The following LRRIQ1 variants were observed in gnomAD, a reference collection of about 807,000 sequenced individuals.
LRRIQ1 encodes the protein leucine-rich repeat- and IQ domain-containing protein 1.
Under a neutral mutation model 211.9 loss-of-function variants are expected in LRRIQ1, and 210 were observed. The ratio of observed to expected loss-of-function variants is 0.99; its 90% CI spans 0.89 to 1.11. The LOEUF (loss-of-function observed/expected upper bound fraction) is 1.11. Among genes scored for constraint, LRRIQ1 ranks in the 50% most tolerant of loss-of-function variants. The pLI, the probability that LRRIQ1 is intolerant of heterozygous loss-of-function variation, is 0.00. For missense variants in LRRIQ1, 2,136 were observed against 1,939.5 expected, an observed-to-expected ratio of 1.10 and a Z score of -1.90; for synonymous variants, 699 against 650.1, an observed-to-expected ratio of 1.08 and a Z score of -1.14.
At chr12:85,059,365 C>T (rs554742262) in intron 8 of LRRIQ1, among the ~76,000 whole-genome samples, 1 of 152,112 alleles carries the variant, frequency 6.6e-6, no homozygotes, top group Non-Finnish European at 1.5e-5. Flanking sequence ...GAAGTTACAT[C>T]CAGATAAACC....
At position 85,047,339 on chromosome 12, in the gene LRRIQ1, G is replaced by A. The variant is rs1376837037; in HGVS notation, c.547G>A (p.Asp183Asn). 1 of 1,604,026 alleles carries A rather than the reference G, an allele frequency of 6.2e-7. No homozygotes were observed. The highest frequency in any genetic ancestry group is 8.5e-7 in the Non-Finnish European group (1 of 1,173,854). The change falls in exon 6 of 27, where the codon GAT (aspartate) becomes AAT (asparagine). Residue 183 changes from aspartate (D) to asparagine (N), a missense_variant. Coordinates refer to ENST00000393217, the MANE Select transcript of LRRIQ1 (RefSeq NM_001079910.2). ...AWQEKQKELEDKEKQTLKAQR... is the reference protein window; with the variant it reads ...AWQEKQKELENKEKQTLKAQR... ...GCAAGAGAAACAGAAGGAATTAGAA[G>A]ATAAAGAGAAACAAACTCTCAAAGC...
intron 16 of LRRIQ1, among the ~76,000 whole-genome samples, chr12:85,122,541 T>C (rs943468111): frequency 1.3e-5 from 2 of 152,130 alleles, no homozygotes; most frequent in Non-Finnish European, 2.9e-5. Flanking sequence ...AAGATGATTT[T>C]GTATTGTTTC....
intron 24 of LRRIQ1, among the ~76,000 whole-genome samples, chr12:85,223,587 G>C (rs1463738447): frequency 6.6e-6 from 1 of 152,032 alleles, no homozygotes; most frequent in African/African-American, 2.4e-5. Flanking sequence ...TATAGAATTG[G>C]GAAATACCTA....
chr12:85,197,655 A>G (rs1317281071), intron 24 of LRRIQ1, among the ~76,000 whole-genome samples: 1 of 151,472 alleles, frequency 6.6e-6, no homozygotes, highest in African/African-American at 2.4e-5. Flanking sequence ...AGGAAGGGGA[A>G]TATCACACTC....
At chr12:85,218,965 C>T (rs754172024) in intron 24 of LRRIQ1, among the ~76,000 whole-genome samples, 1 of 151,998 alleles carries the variant, frequency 6.6e-6, no homozygotes. Context: ...TTAAATATTA[C>T]AGTAAAATAT....
chr12:85,124,588 A>G (rs990198023), intron 17 of LRRIQ1, 69 bp downstream of exon 17: 9 of 1,172,450 alleles, frequency 7.7e-6, no homozygotes, highest in South Asian at 4.1e-5. Context: ...ATATTAGTCA[A>G]TGGTACCTAG....
intron 24 of LRRIQ1, among the ~76,000 whole-genome samples, chr12:85,192,002 A>G (rs1025985558): frequency 6.6e-6 from 1 of 151,860 alleles, no homozygotes; most frequent in Non-Finnish European, 1.5e-5. Context: ...ATTTGTTTTA[A>G]GTATTTTACA....
In LRRIQ1 at chr12:85,222,903, C is replaced by G. The variant is rs566304642; in HGVS notation, c.4823-6614C>G. ...TGCTCACTCACGTTCAGAATGGGGC[C>G]TGAAGTAAAATGGTTGCAATGGCGA... On this transcript the variant is annotated intron_variant, in intron 24 of 26. Transcript: ENST00000393217. Among the ~76,000 whole-genome samples, 20 of 152,126 alleles carry G rather than the reference C, an allele frequency of 1.3e-4. No individual in the cohort carries two copies. The South Asian group carries it at 3.9e-3, about 30-fold the overall frequency.
At chr12:85,261,540 T>A (rs1441617109) in intron 1 of LRRIQ1, among the ~76,000 whole-genome samples, 1 of 151,574 alleles carries the variant, frequency 6.6e-6, no homozygotes, top group Admixed American at 6.6e-5. Context: ...AGTATTAATC[T>A]CAAAAAACAT....
chr12:85,270,494 G>A, the LRRIQ1 span, among the ~76,000 whole-genome samples: 3 of 152,048 alleles, frequency 2.0e-5, no homozygotes, highest in Non-Finnish European at 4.4e-5. Context: ...TTTCTCGTAT[G>A]TGATCCATTT....
chr12:85,268,590 C>T (rs1003439092), downstream of LRRIQ1, among the ~76,000 whole-genome samples: 1 of 151,672 alleles, frequency 6.6e-6, no homozygotes, highest in East Asian at 1.9e-4. Context: ...CTGTATTAGC[C>T]CCTTAAATTA....
At position 85,056,638 on chromosome 12, in the gene LRRIQ1, A is replaced by C; in HGVS notation, c.1845A>C (p.Ser615=). Reference sequence around the variant, plus strand: ...TTTCAGTGAAACAAAGATCACTCTCACTAACATCAGAAAATTCCAAAGATG... The same window carrying C: ...TTTCAGTGAAACAAAGATCACTCTCCCTAACATCAGAAAATTCCAAAGATG... The part of the protein sequence containing the change: ...LVISVKQRSL[S]LTSENSKDVR... Residue 615 remains serine (S), a synonymous_variant, in exon 8 of 27, where the codon TCA becomes TCC. Coordinates refer to ENST00000393217, the MANE Select transcript of LRRIQ1 (RefSeq NM_001079910.2). 2 of 1,598,912 alleles carry C rather than the reference A, an allele frequency of 1.3e-6. No homozygotes were observed. Among genetic ancestry groups the C allele is most frequent in the Non-Finnish European group, 8.5e-7 (1 of 1,173,918 alleles).
chr12:85,261,172 T>A (rs1041270596), intron 1 of LRRIQ1, among the ~76,000 whole-genome samples: 3 of 152,302 alleles, frequency 2.0e-5, no homozygotes, highest in South Asian at 4.1e-4. Flanking sequence ...TCTGTAGACA[T>A]GAGCATTAGT....
At chr12:85,122,335 A>G (rs1888045668) in intron 16 of LRRIQ1, among the ~76,000 whole-genome samples, 1 of 152,142 alleles carries the variant, frequency 6.6e-6, no homozygotes, top group Non-Finnish European at 1.5e-5. Flanking sequence ...GTATCAAGGT[A>G]TCATGGGAGC....
chr12:85,185,919 A>G (rs1892206344), intron 24 of LRRIQ1, among the ~76,000 whole-genome samples: 1 of 152,032 alleles, frequency 6.6e-6, no homozygotes, highest in Non-Finnish European at 1.5e-5. Flanking sequence ...ATGCTATGAT[A>G]TATAAATGAT....
intron 11 of LRRIQ1, among the ~76,000 whole-genome samples, chr12:85,080,392 A>T (rs1236482426): frequency 1.3e-5 from 2 of 151,662 alleles, no homozygotes; most frequent in African/African-American, 4.8e-5. Context: ...TAATTATTAT[A>T]TGTAACAATA....
intron 24 of LRRIQ1, among the ~76,000 whole-genome samples, chr12:85,160,946 ATTT>A (rs770892260): frequency 6.6e-6 from 1 of 151,938 alleles, no homozygotes; most frequent in Non-Finnish European, 1.5e-5. Flanking sequence ...ATAAATTTTA[ATTT>A]TTTTATTTAT....
At chr12:85,211,360 A>G (rs958403981) in intron 24 of LRRIQ1, among the ~76,000 whole-genome samples, 1 of 152,216 alleles carries the variant, frequency 6.6e-6, no homozygotes, top group East Asian at 1.9e-4. Context: ...TAAGTGTATA[A>G]TTATGGCTTC....
intron 24 of LRRIQ1, among the ~76,000 whole-genome samples, chr12:85,198,893 G>C (rs114334507): frequency 6.6e-6 from 1 of 151,972 alleles, no homozygotes; most frequent in Non-Finnish European, 1.5e-5. Flanking sequence ...TTATATGTTT[G>C]TTGGCCGAAT....
Sources: gnomAD v4.1 joint callset for allele counts (sites outside exome capture counted in the v4.1 genomes callset) on GRCh38, gnomAD v4.1.1 for gene constraint, MANE v1.5 for transcripts, NCBI Gene and HGNC (gene_info 2026-07-23, HGNC 2026-07-21) for gene names.